The following ESRP1 variants were observed in gnomAD, a reference collection of about 807,000 sequenced individuals.
ESRP1 encodes RNA-binding motif protein 35A.
In ESRP1, 33 loss-of-function variants were observed where a neutral mutation model predicts 81.7. That is an observed-to-expected ratio of 0.40 (90% CI 0.31 to 0.54). The LOEUF (loss-of-function observed/expected upper bound fraction) is 0.54, where lower values mean the gene tolerates loss of function less well. Among genes scored for constraint, ESRP1 ranks in the 20% least tolerant of loss-of-function variants. The pLI is 0.41. For synonymous variants in ESRP1, 320 were observed against 303.3 expected, an observed-to-expected ratio of 1.06 and a Z score of -0.57; for missense variants, 672 against 833.1, an observed-to-expected ratio of 0.81 and a Z score of 2.38.
intron 4 of ESRP1, among the ~76,000 whole-genome samples, chr8:94,661,635 A>T (rs1208233068): frequency 6.6e-6 from 1 of 152,192 alleles, no homozygotes; most frequent in African/African-American, 2.4e-5. Context: ...TGTTTCAAAG[A>T]GTATACTTTT....
At chr8:94,649,082 A>G (rs1563517898) in intron 4 of ESRP1, among the ~76,000 whole-genome samples, 1 of 152,240 alleles carries the variant, frequency 6.6e-6, no homozygotes, top group African/African-American at 2.4e-5. Context: ...TTAGCCGGGC[A>G]TGATGACGCA....
chr8:94,661,936 G>A (rs1328031042), intron 4 of ESRP1, among the ~76,000 whole-genome samples: 1 of 152,182 alleles, frequency 6.6e-6, no homozygotes, highest in Non-Finnish European at 1.5e-5. Context: ...TGTGTGTGCT[G>A]TAAAGATTCA....
chr8:94,661,824 T>C (rs1818762088), intron 4 of ESRP1, among the ~76,000 whole-genome samples: 1 of 152,168 alleles, frequency 6.6e-6, no homozygotes, highest in African/African-American at 2.4e-5. Flanking sequence ...ACATCAATAA[T>C]CTGTGGTGTC....
intron 12 of ESRP1, among the ~76,000 whole-genome samples, chr8:94,675,714 C>G (rs970030526): frequency 6.6e-6 from 1 of 152,152 alleles, no homozygotes; most frequent in Non-Finnish European, 1.5e-5. Context: ...ATGTGTGACC[C>G]AAATTCTGCT....
intron 9 of ESRP1, among the ~76,000 whole-genome samples, chr8:94,665,456 G>A (rs1217041503): frequency 1.3e-5 from 2 of 152,092 alleles, no homozygotes; most frequent in African/African-American, 2.4e-5. Flanking sequence ...GTGAAAAGGT[G>A]ATATGAAGTT....
In ESRP1 at chr8:94,643,350, C is replaced by G; in HGVS notation, c.309C>G (p.Ser103=). The G allele has an allele frequency of 1.9e-6, 3 of 1,613,848 alleles. 1 individual carries two copies. In the South Asian group the frequency reaches 3.3e-5, roughly 18 times the overall value. ...SNELNIGVGT[S]FCLCTDGQLH... Reference sequence around the variant, plus strand: ...AACTGAATATTGGAGTAGGGACTTCCTTCTGTCTCTGTACTGATGGGCAGC... The same window carrying G: ...AACTGAATATTGGAGTAGGGACTTCGTTCTGTCTCTGTACTGATGGGCAGC... The change falls in exon 3 of 16, where the codon TCC becomes TCG. Residue 103 remains serine, a synonymous_variant. Transcript: ENST00000433389.
intron 15 of ESRP1, among the ~76,000 whole-genome samples, chr8:94,699,548 G>A (rs768280133): frequency 6.6e-6 from 1 of 152,118 alleles, no homozygotes; most frequent in Non-Finnish European, 1.5e-5. Context: ...GCTGAGGTAG[G>A]AGGGTCAATT....
intron 13 of ESRP1, among the ~76,000 whole-genome samples, chr8:94,686,533 A>G (rs1809148139): frequency 6.6e-6 from 1 of 152,178 alleles, no homozygotes; most frequent in South Asian, 2.1e-4. Context: ...TATCCAGCTC[A>G]AGGACAGTCT....
chr8:94,687,696 A>G (rs905261464), intron 13 of ESRP1, among the ~76,000 whole-genome samples: 1 of 152,164 alleles, frequency 6.6e-6, no homozygotes, highest in South Asian at 2.1e-4. Flanking sequence ...GAATCTTTTT[A>G]TGTGATTCTT....
intron 15 of ESRP1, among the ~76,000 whole-genome samples, chr8:94,701,409 C>T (rs1032618452): frequency 1.3e-5 from 2 of 152,090 alleles, no homozygotes; most frequent in African/African-American, 4.8e-5. Flanking sequence ...CCCATCAACC[C>T]AGCCAACACA....
intron 13 of ESRP1, among the ~76,000 whole-genome samples, chr8:94,684,539 A>C (rs376961210): frequency 6.6e-6 from 1 of 152,164 alleles, no homozygotes; most frequent in African/African-American, 2.4e-5. Flanking sequence ...GTTACTCCCA[A>C]ATATGTGGTA....
At chr8:94,665,107 C>T (rs1416874442) in intron 8 of ESRP1, 47 bp from the exon 9 acceptor site, 2 of 1,613,618 alleles carry the variant, frequency 1.2e-6, no homozygotes, top group Non-Finnish European at 1.7e-6. Context: ...TGAGAATTAA[C>T]ATAGGACGGA....
chr8:94,689,042 G>T (rs148604944), intron 13 of ESRP1, among the ~76,000 whole-genome samples: 1 of 152,106 alleles, frequency 6.6e-6, no homozygotes, highest in Middle Eastern at 3.2e-3. Context: ...CTTGAAGCCA[G>T]TAGTTTGAGA....
intron 4 of ESRP1, among the ~76,000 whole-genome samples, chr8:94,647,573 C>A (rs887419616): frequency 1.3e-5 from 2 of 152,118 alleles, no homozygotes; most frequent in Non-Finnish European, 2.9e-5. Context: ...GAGTTATCTT[C>A]TTACAAGGTC....
chr8:94,686,141 G>A, intron 13 of ESRP1, among the ~76,000 whole-genome samples: 1 of 152,070 alleles, frequency 6.6e-6, no homozygotes, highest in Non-Finnish European at 1.5e-5. Context: ...GTTGGCCAGA[G>A]TGGTCTCGAA....
chr8:94,652,700 T>C (rs374518845), intron 4 of ESRP1, among the ~76,000 whole-genome samples: 8 of 152,212 alleles, frequency 5.3e-5, no homozygotes, highest in South Asian at 4.1e-4. Flanking sequence ...ACTTCTAATA[T>C]TGTGTTTACT....
At chr8:94,655,390 T>A (rs2130576239) in intron 4 of ESRP1, among the ~76,000 whole-genome samples, 1 of 144,678 alleles carries the variant, frequency 6.9e-6, no homozygotes, top group Admixed American at 6.9e-5. Context: ...CTTGGCATCT[T>A]TTTTTTTTTT....
intron 2 of ESRP1, 117 bp downstream of exon 2, chr8:94,642,201 G>A: frequency 1.5e-6 from 2 of 1,324,726 alleles, no homozygotes; most frequent in Non-Finnish European, 1.0e-6. Flanking sequence ...CGCCTGCCCG[G>A]CCGCGTGGGT....
chr8:94,695,611 C>G (rs192124874), intron 14 of ESRP1, among the ~76,000 whole-genome samples: 1 of 149,986 alleles, frequency 6.7e-6, no homozygotes, highest in Non-Finnish European at 1.5e-5. Context: ...GACCCGCCTG[C>G]GTTGGCATCC....
Sources: gnomAD v4.1 joint callset for allele counts (sites outside exome capture counted in the v4.1 genomes callset) on GRCh38, gnomAD v4.1.1 for gene constraint, MANE v1.5 for transcripts, NCBI Gene and HGNC (gene_info 2026-07-23, HGNC 2026-07-21) for gene names.